Variants in TTN observed in about 807,000 individuals in gnomAD.
TTN encodes the protein titin, also known as connectin.
TTN carries 1,525 observed loss-of-function variants against 3,223.0 expected under a neutral mutation model. That is an observed-to-expected ratio of 0.47 (90% CI 0.45 to 0.49). The LOEUF is 0.49. Among genes scored for constraint, TTN ranks in the 20% least tolerant of loss-of-function variants. The pLI is 0.00. For missense variants in TTN, 40,786 were observed against 43,424.0 expected, an observed-to-expected ratio of 0.94 and a Z score of 5.40; for synonymous variants, 14,094 against 15,161.0, an observed-to-expected ratio of 0.93 and a Z score of 5.17.
chr2:178,721,185 TAAC>T lies in TTN; in HGVS notation c.22831_22833del (p.Val7611del), dbSNP rs745513679. On this transcript the variant is annotated inframe_deletion, in exon 79 of 363. Coordinates refer to ENST00000589042, the MANE Select transcript of TTN (RefSeq NM_001267550.2). ...GCAACTTTTGAAGCTTCTAATTTCT[TAAC>T]AAACTTTGGAGGTTCTAGTAAACCA... 3 of 1,598,994 alleles carry T rather than the reference TAAC, an allele frequency of 1.9e-6. No homozygotes were observed. Among genetic ancestry groups the T allele is most frequent in the Non-Finnish European group, 2.6e-6 (3 of 1,169,884 alleles).
At chr2:178,628,173 T>G (rs890404776) in intron 240 of TTN, among the ~76,000 whole-genome samples, 13 of 152,112 alleles carry the variant, frequency 8.5e-5, no homozygotes, top group African/African-American at 3.1e-4. Context: ...CTGTAATCAC[T>G]TTAGTGGAAT....
In TTN at chr2:178,689,122, T is replaced by C. The variant is rs200952728; in HGVS notation, c.32026A>G (p.Lys10676Glu). ...PPPPKVPALP[K>E]KPVPEEKVAV... ...ACTTTCTCCTCTGGGACGGGTTTCTTAGGCAGAGCTGGCACTTTAGAGACA... is the reference window on the plus strand; with the variant it reads ...ACTTTCTCCTCTGGGACGGGTTTCTCAGGCAGAGCTGGCACTTTAGAGACA... The change falls in exon 125 of 363, where the codon AAG becomes GAG. Residue 10676 changes from lysine (K) to glutamate (E), a missense_variant. Coordinates refer to ENST00000589042, the MANE Select transcript of TTN (RefSeq NM_001267550.2). The C allele has an allele frequency of 3.1e-4, 499 of 1,608,208 alleles. No homozygotes were observed. The highest frequency in any genetic ancestry group is 4.1e-4 in the Non-Finnish European group (481 of 1,178,518).
chr2:178,793,678 T>A (rs1206052199), intron 8 of TTN, 137 bp from the exon 9 acceptor site: 12 of 1,174,578 alleles, frequency 1.0e-5, no homozygotes, highest in Non-Finnish European at 2.4e-6. Context: ...CGCACACCTG[T>A]AATCCCAGCT....
chr2:178,688,044 G>T, intron 127 of TTN, 67 bp downstream of exon 127: 1 of 1,338,882 alleles, frequency 7.5e-7, no homozygotes, highest in Non-Finnish European at 1.1e-6. Flanking sequence ...TTGGTCTGTA[G>T]ACAATTTGTG....
At position 178,693,486 on chromosome 2, in the gene TTN, T is replaced by C. The variant is rs546123334; in HGVS notation, c.31594+123A>G. 2.2e-5 allele frequency: 14 copies of C among 627,976 alleles called. No homozygotes were observed. In the African/African-American group the frequency reaches 2.5e-4, roughly 11 times the overall value. The allele number at this position is 627,976 out of a possible 1,614,324, so 38.9% of individuals were successfully genotyped here. ...CGTCCCCCATCACATCCTTTGTACATAGTGGCTATAGGTATGCACACTGTG... is the reference window on the plus strand; with the variant it reads ...CGTCCCCCATCACATCCTTTGTACACAGTGGCTATAGGTATGCACACTGTG... On this transcript the variant is annotated intron_variant, in intron 119 of 362. Coordinates refer to ENST00000589042, the MANE Select transcript of TTN (RefSeq NM_001267550.2).
chr2:178,689,953 C>T (rs2071930782), intron 121 of TTN, 57 bp from the exon 122 acceptor site: 7 of 1,422,014 alleles, frequency 4.9e-6, no homozygotes, highest in Non-Finnish European at 6.9e-6. Flanking sequence ...TATGAAAGAA[C>T]ATAGGCACAT....
At chr2:178,545,317 T>C (rs1696555701) in intron 344 of TTN, 71 bp downstream of exon 344, 2 of 1,395,080 alleles carry the variant, frequency 1.4e-6, no homozygotes, top group South Asian at 3.5e-5. Context: ...TCTTAGAGAT[T>C]GTGTGTTGGA....
In TTN at chr2:178,640,479, A is replaced by T. The variant is rs578011671; in HGVS notation, c.40723+62T>A. 31 of 1,397,648 alleles carry T rather than the reference A, an allele frequency of 2.2e-5. No homozygotes were observed. The African/African-American group carries it at 4.2e-4, about 19-fold the overall frequency. The allele number at this position is 1,397,648 out of a possible 1,614,324, so 86.6% of individuals were successfully genotyped here. The stretch of plus-strand genomic sequence containing the variant: ...TTCAAATCTTGATGTCAGTGTAATG[A>T]TATTTTAAATGATACATATTTGCAT... On this transcript the variant is annotated intron_variant, in intron 221 of 362. Transcript: ENST00000589042.
rs774921957 is a variant in TTN, at chr2:178,719,359, A to G, written c.24031T>C (p.Ser8011Pro). The change falls in exon 83 of 363, where the codon TCA becomes CCA. Residue 8011 changes from serine (S) to proline (P), a missense_variant. Ser to Pro is a moderately conservative substitution (Grantham distance 74, BLOSUM62 -1). Transcript: ENST00000589042. ...AACCAGCCAACTGAAATCGGGGCTG[A>G]GCCAGAGACTCGGCACTCCAAAACA... The part of the protein sequence containing the change: ...SVVLECRVSG[S>P]APISVGWFQD... The G allele has an allele frequency of 6.8e-6, 11 of 1,613,660 alleles. No homozygotes were observed. The highest frequency in any genetic ancestry group is 1.6e-4 in the Middle Eastern group (1 of 6,078).
In TTN at chr2:178,560,381, C is replaced by A. The variant is rs992420765; in HGVS notation, c.85751G>T (p.Gly28584Val). The change falls in exon 326 of 363, where the codon GGA (glycine) becomes GTA (valine). Residue 28584 changes from glycine to valine, a missense_variant. Transcript: ENST00000589042. ...TTTCTCTCGCCTTTCAATTATATAT[C>A]CAGATATTTCACTACCTCCATCACT... ...PESDGGSEIS[G>V]YIIERREKNS... The A allele has an allele frequency of 6.2e-7, 1 of 1,613,660 alleles. No homozygotes were observed. Among genetic ancestry groups the A allele is most frequent in the Non-Finnish European group, 8.5e-7 (1 of 1,179,768 alleles).
In TTN at chr2:178,757,185, GTACAGTAAGTAATACTGTACTTA is replaced by G. The variant is rs1440363362; in HGVS notation, c.10678+334_10678+356del. On this transcript the variant is annotated intron_variant, in intron 45 of 362. Transcript: ENST00000589042. ...GTAAGTAATACTGTACTTACTTTAA[GTACAGTAAGTAATACTGTACTTA>G]CTTTAAGTACAGTAAGTAATAATCA... Among the ~76,000 whole-genome samples the G allele has an allele frequency of 2.2e-4, 33 of 152,336 alleles. 3 individuals are homozygous for G. The highest frequency in any genetic ancestry group is 2.9e-4 in the Non-Finnish European group (20 of 68,024).
Position 178,546,063 on chromosome 2 carries a change from A to G in TTN, c.95173T>C (p.Cys31725Arg), listed in dbSNP as rs1295856798. The G allele has an allele frequency of 1.9e-6, 3 of 1,613,456 alleles. No individual in the cohort carries two copies. The highest frequency in any genetic ancestry group is 2.5e-6 in the Non-Finnish European group (3 of 1,179,624). Residue 31725 changes from cysteine to arginine, a missense_variant, in exon 343 of 363, where the codon TGC becomes CGC. Transcript: ENST00000589042. Reference sequence around the variant, plus strand: ...TGCGGAAGGCTCCAGGCTAAAGTGCACTTCTCCTGTGTTACTCTGCTGACG... The same window carrying G: ...TGCGGAAGGCTCCAGGCTAAAGTGCGCTTCTCCTGTGTTACTCTGCTGACG... ...LTVSRVTQEK[C>R]TLAWSLPQED... is the part of the protein sequence containing the mutation.
intron 330 of TTN, 26 bp from the exon 331 acceptor site, chr2:178,555,178 T>C: frequency 6.3e-7 from 1 of 1,586,448 alleles, no homozygotes; most frequent in Non-Finnish European, 8.5e-7. Context: ...ATGAGAAATA[T>C]TTAAAATATT....
Position 178,549,834 on chromosome 2 carries a change from T to C in TTN, c.91888A>G (p.Thr30630Ala). The C allele has an allele frequency of 6.3e-7, 1 of 1,589,092 alleles. No individual in the cohort carries two copies. The highest frequency in any genetic ancestry group is 8.6e-7 in the Non-Finnish European group (1 of 1,166,574). The stretch of plus-strand genomic sequence containing the variant: ...GTCATCTTCTCCCCAGTAATATTGG[T>C]GAATCTTATTGGCCCAACTACTTTT... Reference protein sequence around the residue: ...PGKVVGPIRFTNITGEKMTLW... With the variant: ...PGKVVGPIRFANITGEKMTLW... Residue 30630 changes from threonine to alanine, a missense_variant, in exon 338 of 363, where the codon ACC becomes GCC. Physicochemically the swap from Thr to Ala is moderately conservative, Grantham distance 58. Coordinates refer to ENST00000589042, the MANE Select transcript of TTN (RefSeq NM_001267550.2).
At chr2:178,802,681 AG>A (rs1353277460) in intron 2 of TTN, among the ~76,000 whole-genome samples, 1 of 152,222 alleles carries the variant, frequency 6.6e-6, no homozygotes, top group African/African-American at 2.4e-5. Context: ...AAATCATGAA[AG>A]GGACTTATAA....
chr2:178,713,514 T>C, intron 92 of TTN, 142 bp from the exon 93 acceptor site: 1 of 1,271,218 alleles, frequency 7.9e-7, no homozygotes. Context: ...TATTAAAAAC[T>C]CCTCTATGGG....
At chr2:178,694,460 A>G (rs2073196673) in intron 117 of TTN, 139 bp downstream of exon 117, 3 of 554,832 alleles carry the variant, frequency 5.4e-6, no homozygotes, top group Non-Finnish European at 9.5e-6. Context: ...GTGCAACTCA[A>G]CATAAAATTT....
Position 178,575,600 on chromosome 2 carries a change from G to C in TTN, c.70532C>G (p.Ala23511Gly), listed in dbSNP as rs1709793052. 8 of 1,613,560 alleles carry C rather than the reference G, an allele frequency of 5.0e-6. No individual in the cohort carries two copies. The highest frequency in any genetic ancestry group is 6.8e-6 in the Non-Finnish European group (8 of 1,179,644). ...EGCEYFFRVM[A>G]ENEYGIGEPT... The stretch of plus-strand genomic sequence containing the variant: ...CTCACCAATTCCATATTCATTCTCT[G>C]CCATCACTCTGAAGAAATATTCACA... The change falls in exon 326 of 363, where the codon GCA becomes GGA. Residue 23511 changes from alanine to glycine, a missense_variant. Transcript: ENST00000589042. This position sits in a 1 kb window ranked among gnomAD's most constrained non-coding sequence, Gnocchi z 4.0.
chr2:178,771,314 G>T lies in TTN; in HGVS notation c.8013C>A (p.Gly2671=), dbSNP rs369439944. 35 of 1,613,928 alleles carry T rather than the reference G, an allele frequency of 2.2e-5. No individual in the cohort carries two copies. Among genetic ancestry groups the T allele is most frequent in the Non-Finnish European group, 2.8e-5 (33 of 1,179,998 alleles). The stretch of plus-strand genomic sequence containing the variant: ...CAGCAATGATAAGTCTCCTTTTGTG[G>T]CCATCAGACTCACTTCTGATGTTGT... ...LTNNIRSESD[G]HKRRLIIAAT... is the part of the protein sequence containing the mutation. The change falls in exon 34 of 363, where the codon GGC becomes GGA. Residue 2671 remains glycine, a synonymous_variant. Coordinates refer to ENST00000589042, the MANE Select transcript of TTN (RefSeq NM_001267550.2).
Sources: allele counts gnomAD v4.1 joint callset (sites outside exome capture counted in the v4.1 genomes callset), GRCh38; gene constraint gnomAD v4.1.1; non-coding constraint Gnocchi (gnomAD v3.1); transcripts MANE v1.5; gene names NCBI Gene and HGNC (gene_info 2026-07-23, HGNC 2026-07-21).